The following DLGAP1 variants were observed in gnomAD, a reference collection of about 807,000 sequenced individuals.
DLGAP1 encodes disks large-associated protein 1.
A neutral mutation model predicts 90.8 loss-of-function variants in DLGAP1; 11 were observed. That is an observed-to-expected ratio of 0.12 (90% confidence interval 0.08 to 0.20). DLGAP1 has a LOEUF of 0.20. Among genes scored for constraint, DLGAP1 ranks in the 10% least tolerant of loss-of-function variants. The probability of loss-of-function intolerance (pLI) is 1.00; values close to 1 mark genes in which losing one functional copy is unlikely to be tolerated. For missense variants in DLGAP1, 1,050 were observed against 1,333.8 expected, an observed-to-expected ratio of 0.79 and a Z score of 3.31; for synonymous variants, 558 against 540.7, an observed-to-expected ratio of 1.03 and a Z score of -0.44.
In DLGAP1 at chr18:3,813,987, G is replaced by A. The variant is rs578239048; in HGVS notation, c.1172+72C>T. ...TGTTTCTGCCCCACTTACTCTAGGA[G>A]ACACACCATCTGAGCCTCGGTGATA... On this transcript the variant is annotated intron_variant, in intron 5 of 12. Coordinates refer to ENST00000315677, the MANE Select transcript of DLGAP1 (RefSeq NM_004746.4). 2.2e-5 allele frequency: 33 copies of A among 1,474,714 alleles called. No homozygotes were observed. In the African/African-American group the frequency reaches 4.3e-4, roughly 19 times the overall value. The allele number at this position is 1,474,714 out of a possible 1,614,324, so 91.4% of individuals were successfully genotyped here.
intron 1 of DLGAP1, among the ~76,000 whole-genome samples, chr18:4,152,185 G>A (rs1421478521): frequency 6.6e-6 from 1 of 152,056 alleles, no homozygotes; most frequent in Non-Finnish European, 1.5e-5. Context: ...TACCTGTAAA[G>A]GTCTGTTTCT....
rs1165338975 is a variant in DLGAP1 at position 3,879,540 on chromosome 18, G to A, written c.529C>T (p.Arg177Cys). 6.3e-7 allele frequency: 1 copy of A among 1,599,318 alleles called. No homozygotes were observed. Residue 177 changes from arginine (R) to cysteine (C), a missense_variant, in exon 4 of 13, where the codon CGC becomes TGC. Coordinates refer to ENST00000315677, the MANE Select transcript of DLGAP1 (RefSeq NM_004746.4). The surrounding 1 kb of genome is among the most constrained non-coding windows in gnomAD (Gnocchi z 6.6). ...KASPDEAQAA[R>C]YGKRSKSKER... ...TTGCTCTTGCTGCGTTTGCCATAGCGCGCCGCCTGCGCCTCGTCAGGGCTG... is the reference window on the plus strand; with the variant it reads ...TTGCTCTTGCTGCGTTTGCCATAGCACGCCGCCTGCGCCTCGTCAGGGCTG...
intron 7 of DLGAP1, among the ~76,000 whole-genome samples, chr18:3,587,097 G>A (rs1758863526): frequency 6.6e-6 from 1 of 152,198 alleles, no homozygotes; most frequent in Non-Finnish European, 1.5e-5. Flanking sequence ...TTTCGCTCTT[G>A]TCGCCCAGGT....
chr18:4,215,982 G>A (rs752339290), intron 1 of DLGAP1, among the ~76,000 whole-genome samples: 1 of 152,068 alleles, frequency 6.6e-6, no homozygotes, highest in East Asian at 1.9e-4. Flanking sequence ...AAAATGTATT[G>A]CATCCTTTAA....
intron 2 of DLGAP1, among the ~76,000 whole-genome samples, chr18:4,088,181 A>G (rs915525160): frequency 1.3e-5 from 2 of 151,816 alleles, no homozygotes; most frequent in African/African-American, 4.8e-5. Context: ...ATATACTTTC[A>G]TCATTATTTG....
chr18:3,948,706 A>G (rs2072922884), intron 3 of DLGAP1, among the ~76,000 whole-genome samples: 1 of 152,218 alleles, frequency 6.6e-6, no homozygotes, highest in South Asian at 2.1e-4. Flanking sequence ...GAATGCTCTC[A>G]GTCATAAGTG....
chr18:4,346,276 G>A (rs1422639974), intron 1 of DLGAP1, among the ~76,000 whole-genome samples: 2 of 151,998 alleles, frequency 1.3e-5, no homozygotes, highest in Non-Finnish European at 2.9e-5. Context: ...AAGAGCATGA[G>A]CTCCAAGTCA....
chr18:4,345,009 T>C (rs1277098735), intron 1 of DLGAP1, among the ~76,000 whole-genome samples: 2 of 152,220 alleles, frequency 1.3e-5, no homozygotes, highest in Non-Finnish European at 2.9e-5. Context: ...TACTGACTCA[T>C]TCTTGAATCT....
intron 5 of DLGAP1, among the ~76,000 whole-genome samples, chr18:3,778,007 T>A (rs1345881101): frequency 6.6e-6 from 1 of 152,248 alleles, no homozygotes; most frequent in Non-Finnish European, 1.5e-5. Flanking sequence ...CTTCTGTTTT[T>A]GCTTTTTACC....
chr18:3,970,193 A>T (rs1025250355), intron 3 of DLGAP1, among the ~76,000 whole-genome samples: 7 of 152,236 alleles, frequency 4.6e-5, no homozygotes, highest in Admixed American at 2.0e-4. Flanking sequence ...CTCTTCTTTC[A>T]TATAAAAATA....
chr18:4,206,499 G>A (rs1028373866), intron 1 of DLGAP1, among the ~76,000 whole-genome samples: 1 of 152,148 alleles, frequency 6.6e-6, no homozygotes, highest in Non-Finnish European at 1.5e-5. Flanking sequence ...CTGAGGGTCA[G>A]TGATGCCCAT....
chr18:4,133,146 C>A lies in DLGAP1; in HGVS notation c.-159+18034G>T, dbSNP rs575813204. Among the ~76,000 whole-genome samples, 5 of 152,220 alleles carry A rather than the reference C, an allele frequency of 3.3e-5. No homozygotes were observed. In the East Asian group the frequency reaches 9.7e-4, roughly 29 times the overall value. On this transcript the variant is annotated intron_variant, in intron 2 of 12. Transcript: ENST00000315677. ...AGGCTGCATGAGTGTGGAGGAGAGA[C>A]TCAGCCTCCCCCAGGAAGGTGACAA...
intron 9 of DLGAP1, among the ~76,000 whole-genome samples, chr18:3,539,039 G>GGCA (rs1480238609): frequency 8.5e-5 from 13 of 152,208 alleles, no homozygotes; most frequent in Non-Finnish European, 1.8e-4. Context: ...TTTGAACTCA[G>GGCA]GCAGCCCTGT....
chr18:3,601,049 GATAGATATATAGATAT>G (rs201269642), intron 7 of DLGAP1, among the ~76,000 whole-genome samples: 34 of 144,770 alleles, frequency 2.3e-4, no homozygotes, highest in African/African-American at 7.9e-4. Flanking sequence ...TAAAGATATA[GATAGATATATAGATAT>G]ATAGATATAT....
intron 2 of DLGAP1, among the ~76,000 whole-genome samples, chr18:4,007,516 C>T (rs182804496): frequency 1.4e-4 from 22 of 151,926 alleles, no homozygotes; most frequent in East Asian, 1.2e-3. Context: ...ATTAGCCGGG[C>T]GTGGTGGCTG....
At chr18:3,996,187 T>G (rs1384207245) in intron 3 of DLGAP1, among the ~76,000 whole-genome samples, 1 of 152,180 alleles carries the variant, frequency 6.6e-6, no homozygotes, top group Non-Finnish European at 1.5e-5. Flanking sequence ...GTATTATGTT[T>G]TAATTGAAAA....
At chr18:4,240,141 T>C (rs1216661515) in intron 1 of DLGAP1, among the ~76,000 whole-genome samples, 2 of 152,206 alleles carry the variant, frequency 1.3e-5, no homozygotes, top group African/African-American at 4.8e-5. Flanking sequence ...ATAGTTGTTT[T>C]TAATAGGCCA....
At chr18:4,435,590 C>T (rs1449299054) in intron 1 of DLGAP1, among the ~76,000 whole-genome samples, 1 of 152,132 alleles carries the variant, frequency 6.6e-6, no homozygotes, top group African/African-American at 2.4e-5. Flanking sequence ...GGAGGGAGGG[C>T]ACTGATGTAA....
At chr18:4,015,101 A>G (rs1268978895) in intron 2 of DLGAP1, among the ~76,000 whole-genome samples, 1 of 152,186 alleles carries the variant, frequency 6.6e-6, no homozygotes, top group Non-Finnish European at 1.5e-5. Context: ...TGTGTGGTCA[A>G]TGCATTCCTG....
Sources: gnomAD v4.1 joint callset for allele counts (sites outside exome capture counted in the v4.1 genomes callset) on GRCh38, gnomAD v4.1.1 for gene constraint, Gnocchi (gnomAD v3.1) non-coding constraint, MANE v1.5 for transcripts, NCBI Gene and HGNC (gene_info 2026-07-23, HGNC 2026-07-21) for gene names.